The following PCDH11Y variants were observed in gnomAD, a reference collection of about 807,000 sequenced individuals.
PCDH11Y encodes the protein protocadherin 11 Y-linked.
For synonymous variants in PCDH11Y, 9 were observed against 83.6 expected (o/e 0.11, Z 4.87); for missense variants, 12 against 224.8 (o/e 0.05, Z 6.05).
chrY:5,433,732 C>T, intron 2 of PCDH11Y, among the ~76,000 whole-genome samples: 2 of 31,831 alleles, frequency 6.3e-5, no homozygotes, highest in African/African-American at 2.5e-4. Flanking sequence ...AGTGATCCTC[C>T]GCTTTGGTCC....
intron 3 of PCDH11Y, among the ~76,000 whole-genome samples, chrY:5,041,523 G>C: frequency 7.9e-4 from 25 of 31,743 alleles, no homozygotes; most frequent in African/African-American, 3.1e-3. Context: ...GGACATTTGG[G>C]TTGGTTCCAA....
chrY:5,458,872 G>A (rs2053300692), intron 2 of PCDH11Y, among the ~76,000 whole-genome samples: 3 of 30,151 alleles, frequency 9.9e-5, no homozygotes, highest in Non-Finnish European at 2.4e-4. Flanking sequence ...TAACATTAAT[G>A]TCTATGCAAT....
chrY:5,152,529 C>G, intron 2 of PCDH11Y, among the ~76,000 whole-genome samples: 1 of 32,510 alleles, frequency 3.1e-5, no homozygotes, highest in Non-Finnish European at 7.6e-5. Context: ...GAGACCTTAA[C>G]AACTGTAACC....
At chrY:5,575,322 G>T in intron 3 of PCDH11Y, among the ~76,000 whole-genome samples, 1 of 32,575 alleles carries the variant, frequency 3.1e-5, no homozygotes, top group Non-Finnish European at 7.5e-5. Flanking sequence ...TATATGAGGA[G>T]CTCAAACAAC....
chrY:5,373,571 A>T, intron 2 of PCDH11Y, among the ~76,000 whole-genome samples: 1 of 32,154 alleles, frequency 3.1e-5, no homozygotes, highest in African/African-American at 1.2e-4. Flanking sequence ...GCATAGGCAC[A>T]TCTAGGCTTA....
rs373458475 is a variant in PCDH11Y, at chrY:5,189,576, T to C, written c.3129+88869T>C. On this transcript the variant is annotated intron_variant, in intron 2 of 4. Transcript: ENST00000400457. Reference sequence around the variant, plus strand: ...AGAGCTGAAGGAAACTGCTAGCGTTTAGTTTAAATGGTGCCAAACCTTACA... The same window carrying C: ...AGAGCTGAAGGAAACTGCTAGCGTTCAGTTTAAATGGTGCCAAACCTTACA... 5.5e-3 allele frequency among the ~76,000 whole-genome samples: 187 copies of C among 34,171 alleles called. No individual in the cohort carries two copies. In the South Asian group the frequency reaches 0.079, roughly 14 times the overall value. The allele number at this position is 34,171 out of a possible 37,273, so 91.7% of individuals were successfully genotyped here.
intron 4 of PCDH11Y, among the ~76,000 whole-genome samples, chrY:5,664,714 T>C: frequency 3.3e-5 from 1 of 30,110 alleles, no homozygotes; most frequent in Non-Finnish European, 8.0e-5. Flanking sequence ...GTGATTCTCG[T>C]GCCTCAGGCT....
chrY:5,642,727 G>T, intron 4 of PCDH11Y, among the ~76,000 whole-genome samples: 1 of 33,232 alleles, frequency 3.0e-5, no homozygotes, highest in African/African-American at 1.2e-4. Context: ...TAGTGCTATT[G>T]CAGTCTTAAC....
chrY:5,108,485 T>A (rs568744488), downstream of PCDH11Y, among the ~76,000 whole-genome samples: 2 of 32,362 alleles, frequency 6.2e-5, no homozygotes, highest in Non-Finnish European at 1.5e-4. Flanking sequence ...TGGTGGCTTA[T>A]GCCTGTAATC....
intron 2 of PCDH11Y, among the ~76,000 whole-genome samples, chrY:5,312,544 TATATATATAAGAA>T (rs2053102509): frequency 2.6e-3 from 70 of 26,795 alleles, no homozygotes; most frequent in Middle Eastern, 0.054. Context: ...ATATATAAGA[TATATATATAAGAA>T]ATATATATAA....
At chrY:5,133,699 C>G in intron 2 of PCDH11Y, among the ~76,000 whole-genome samples, 1 of 32,084 alleles carries the variant, frequency 3.1e-5, no homozygotes, top group African/African-American at 1.2e-4. Flanking sequence ...AACTTACCAC[C>G]CTTCCAGCCT....
At chrY:5,393,798 C>T in intron 2 of PCDH11Y, among the ~76,000 whole-genome samples, 1 of 26,597 alleles carries the variant, frequency 3.8e-5, no homozygotes, top group African/African-American at 1.5e-4. Context: ...TGTGTCTTTT[C>T]TTTGTGATTA....
intron 2 of PCDH11Y, among the ~76,000 whole-genome samples, chrY:5,355,974 G>A: frequency 1.2e-4 from 4 of 33,078 alleles, no homozygotes; most frequent in African/African-American, 3.5e-4. Flanking sequence ...ATTTACTTAC[G>A]TGAAACACAG....
At chrY:5,270,001 A>G (rs2053033003) in intron 2 of PCDH11Y, among the ~76,000 whole-genome samples, 1 of 27,241 alleles carries the variant, frequency 3.7e-5, no homozygotes. Context: ...TCATCAGGAA[A>G]AAAAGGTGTT....
intron 1 of PCDH11Y, among the ~76,000 whole-genome samples, chrY:5,086,125 T>C: frequency 3.5e-5 from 1 of 28,225 alleles, no homozygotes; most frequent in Non-Finnish European, 8.3e-5. Flanking sequence ...TTCTTTTGTC[T>C]CCTCTGTGTA....
chrY:5,018,762 T>C, intron 1 of PCDH11Y, among the ~76,000 whole-genome samples: 1 of 31,400 alleles, frequency 3.2e-5, no homozygotes. Flanking sequence ...CAATTCCTTA[T>C]TCTTTAATCA....
intron 2 of PCDH11Y, among the ~76,000 whole-genome samples, chrY:5,482,161 A>G: frequency 3.2e-5 from 1 of 31,628 alleles, no homozygotes; most frequent in Non-Finnish European, 7.7e-5. Flanking sequence ...CACTATGCCC[A>G]GCTAATTTTT....
chrY:5,267,290 C>T (rs1602896741), intron 2 of PCDH11Y, among the ~76,000 whole-genome samples: 1 of 22,814 alleles, frequency 4.4e-5, no homozygotes, highest in Non-Finnish European at 9.6e-5. Context: ...ATGCAACCTA[C>T]ACCTCCCGGG....
intron 2 of PCDH11Y, among the ~76,000 whole-genome samples, chrY:5,242,098 A>C: frequency 3.4e-5 from 1 of 29,484 alleles, no homozygotes; most frequent in Non-Finnish European, 7.9e-5. Flanking sequence ...AAAAAAAAAA[A>C]CAAAAAACAG....
Sources: gnomAD v4.1 joint callset for allele counts (sites outside exome capture counted in the v4.1 genomes callset) on GRCh38, gnomAD v4.1.1 for gene constraint, MANE v1.5 for transcripts, NCBI Gene and HGNC (gene_info 2026-07-23, HGNC 2026-07-21) for gene names.